HTT-AS: variants seen among roughly 807,000 people sequenced by gnomAD.
HTT-AS encodes HTT antisense RNA (head to head).
intron 2 of HTT-AS, among the ~76,000 whole-genome samples, chr4:3,053,776 G>A (rs1047237436): frequency 1.5e-5 from 1 of 68,842 alleles, no homozygotes; most frequent in Non-Finnish European, 2.9e-5. Context: ...TTTTTTTTTT[G>A]AGATGGAGTT....
At chr4:3,051,254 G>A (rs964102329) in intron 2 of HTT-AS, among the ~76,000 whole-genome samples, 1 of 151,998 alleles carries the variant, frequency 6.6e-6, no homozygotes, top group African/African-American at 2.4e-5. Flanking sequence ...TAGTAGAGAC[G>A]GGGTTTCTCC....
intron 2 of HTT-AS, among the ~76,000 whole-genome samples, chr4:3,057,126 C>T (rs914977009): frequency 1.3e-5 from 2 of 152,020 alleles, no homozygotes; most frequent in Non-Finnish European, 2.9e-5. Context: ...CTCTGCCTCC[C>T]GGGTTCAAGC....
chr4:3,064,542 A>T lies in HTT-AS; in HGVS notation n.114-842T>A, dbSNP rs554101929. On this transcript the variant is annotated intron_variant and non_coding_transcript_variant, in intron 1 of 2. Coordinates refer to ENST00000664062, the Ensembl canonical transcript of HTT-AS. ...GATAATGAATACTTTGCAGAAATTT[A>T]TGAACATAAACATAAAACTTGGATG... is the stretch of plus-strand genomic sequence containing the variant. Among the ~76,000 whole-genome samples the T allele has an allele frequency of 4.6e-5, 7 of 152,394 alleles. No homozygotes were observed. The South Asian group carries it at 8.3e-4, about 18-fold the overall frequency.
At chr4:3,049,906 T>TCA (rs57430954) in intron 2 of HTT-AS, among the ~76,000 whole-genome samples, 8,998 of 134,596 alleles carry the variant, frequency 0.067, 294 homozygotes, top group East Asian at 0.11. Flanking sequence ...TTGTAAGTTA[T>TCA]CACACACACA....
intron 2 of HTT-AS, among the ~76,000 whole-genome samples, chr4:3,052,311 G>A (rs991330589): frequency 1.3e-5 from 2 of 152,182 alleles, no homozygotes; most frequent in African/African-American, 4.8e-5. Context: ...CCTGATGAAA[G>A]TTGGGTAATA....
chr4:3,064,373 C>T (rs1712003488), intron 1 of HTT-AS, among the ~76,000 whole-genome samples: 1 of 152,180 alleles, frequency 6.6e-6, no homozygotes, highest in Admixed American at 6.5e-5. Context: ...GGATTACAGG[C>T]ATGAGCCACC....
At position 3,049,914 on chromosome 4, in the gene HTT-AS, A is replaced by T. The variant is rs1006829887; in HGVS notation, n.1381-216T>A. On this transcript the variant is annotated intron_variant and non_coding_transcript_variant, in intron 2 of 2. Transcript: ENST00000664062. ...TAGCAATTTGTAAGTTATCACACAC[A>T]CACACACACACACACACACACACAC... 1.1e-3 allele frequency among the ~76,000 whole-genome samples: 134 copies of T among 125,264 alleles called. 1 individual carries two copies. Among genetic ancestry groups the T allele is most frequent in the African/African-American group, 5.3e-3 (129 of 24,372 alleles). 82.2% of individuals were successfully genotyped at this position (125,264 alleles called of 152,430 possible).
chr4:3,073,698 G>C (rs979091411), intron 1 of HTT-AS, among the ~76,000 whole-genome samples: 5 of 152,230 alleles, frequency 3.3e-5, no homozygotes, highest in African/African-American at 1.2e-4. Flanking sequence ...ACACCGCCCT[G>C]CAGGGGCCTC....
rs529583997 is a variant in HTT-AS at position 3,068,170 on chromosome 4, G to C, written n.114-4470C>G. Among the ~76,000 whole-genome samples, 172 of 152,006 alleles carry C rather than the reference G, an allele frequency of 1.1e-3. 7 individuals carry two copies. The highest frequency in any genetic ancestry group is 2.5e-3 in the Admixed American group (38 of 15,254). On this transcript the variant is annotated intron_variant and non_coding_transcript_variant, in intron 1 of 2. Coordinates refer to ENST00000664062, the Ensembl canonical transcript of HTT-AS. ...AATACAAAAAAATTAGTCGGGCATG[G>C]TGGTGGGTGCCTGTAGTCCCAGCTA...
intron 2 of HTT-AS, among the ~76,000 whole-genome samples, chr4:3,057,888 G>C (rs1711839767): frequency 6.6e-6 from 1 of 151,928 alleles, no homozygotes; most frequent in African/African-American, 2.4e-5. Flanking sequence ...CTCCCAAAGT[G>C]CTGGGATTAC....
exon 3 of HTT-AS, among the ~76,000 whole-genome samples, chr4:3,049,431 G>GA (rs575065270): frequency 0.011 from 1,645 of 146,286 alleles, 13 homozygotes; most frequent in Non-Finnish European, 0.017. Context: ...CTCCAAAAAA[G>GA]AAAAAAAAAA....
intron 1 of HTT-AS, among the ~76,000 whole-genome samples, chr4:3,069,279 G>A (rs1410294059): frequency 6.6e-6 from 1 of 151,226 alleles, no homozygotes; most frequent in African/African-American, 2.4e-5. Flanking sequence ...CAGAGTAGGT[G>A]GGATCACAGG....
rs192562106 is a variant in HTT-AS at position 3,058,102 on chromosome 4, A to G, written n.1380+4332T>C. ...AGCACTTTGGGAGGCCAAGGCGGGCAGATGACCTGAGGTCAGGAGTTTGAG... is the reference window on the plus strand; with the variant it reads ...AGCACTTTGGGAGGCCAAGGCGGGCGGATGACCTGAGGTCAGGAGTTTGAG... On this transcript the variant is annotated intron_variant and non_coding_transcript_variant, in intron 2 of 2. Transcript: ENST00000664062. Among the ~76,000 whole-genome samples, 88 of 151,816 alleles carry G rather than the reference A, an allele frequency of 5.8e-4. 1 individual carries two copies. In the East Asian group the frequency reaches 0.017, roughly 29 times the overall value.
chr4:3,050,465 A>G (rs1016755774), intron 2 of HTT-AS, among the ~76,000 whole-genome samples: 1 of 152,200 alleles, frequency 6.6e-6, no homozygotes, highest in Non-Finnish European at 1.5e-5. Context: ...TATGATTCTA[A>G]AGTTATTAGA....
At chr4:3,058,780 T>C (rs1234396078) in intron 2 of HTT-AS, among the ~76,000 whole-genome samples, 1 of 151,526 alleles carries the variant, frequency 6.6e-6, no homozygotes, top group African/African-American at 2.4e-5. Context: ...AGTGCTGTGG[T>C]ATGATCTCGG....
At chr4:3,065,396 A>G (rs1045824373) in intron 1 of HTT-AS, among the ~76,000 whole-genome samples, 2 of 151,230 alleles carry the variant, frequency 1.3e-5, no homozygotes, top group African/African-American at 2.5e-5. Context: ...GCGCACCACC[A>G]TGCCCGGCTA....
chr4:3,067,162 A>G (rs1045230400), intron 1 of HTT-AS, among the ~76,000 whole-genome samples: 3 of 152,248 alleles, frequency 2.0e-5, no homozygotes, highest in Non-Finnish European at 4.4e-5. Context: ...ACTAGGAAGT[A>G]AGTCAGATGA....
intron 2 of HTT-AS, among the ~76,000 whole-genome samples, chr4:3,053,641 C>A (rs1034003647): frequency 2.0e-5 from 3 of 151,992 alleles, no homozygotes; most frequent in African/African-American, 4.8e-5. Flanking sequence ...ACTCTAATGC[C>A]TTTTAGTGCA....
chr4:3,068,947 A>C (rs1363641995), intron 1 of HTT-AS, among the ~76,000 whole-genome samples: 2 of 152,094 alleles, frequency 1.3e-5, no homozygotes, highest in African/African-American at 4.8e-5. Context: ...GAGCCACTGC[A>C]TCTGGCCTAT....
Sources: allele counts gnomAD v4.1 joint callset (sites outside exome capture counted in the v4.1 genomes callset), GRCh38; gene constraint gnomAD v4.1.1; transcripts MANE v1.5; gene names NCBI Gene and HGNC (gene_info 2026-07-23, HGNC 2026-07-21).